Variants in USP9Y observed in about 807,000 individuals in gnomAD.
USP9Y encodes the protein ubiquitin carboxyl-terminal hydrolase 9Y.
Under a neutral mutation model 53.1 loss-of-function variants are expected in USP9Y, and 41 were observed. That is an observed-to-expected ratio of 0.77 (90% CI 0.60 to 1.00). The LOEUF (loss-of-function observed/expected upper bound fraction) is 1.00, where lower values mean the gene tolerates loss of function less well. USP9Y is among the 50% of genes least tolerant of loss of function. The pLI is 0.00. For missense variants in USP9Y, 567 were observed against 535.8 expected (o/e 1.06, Z -0.58); for synonymous variants, 220 against 173.7 (o/e 1.27, Z -2.09).
chrY:12,859,262 C>A lies in USP9Y; in HGVS notation c.7531-17C>A. On this transcript the variant is annotated splice_polypyrimidine_tract_variant and intron_variant, in intron 45 of 45. Transcript: ENST00000338981. ...ATTTGAAAAGTGTTACAATGCTGGT[C>A]TCTTTCACCCTCTTAGAATAATCAT... The A allele has an allele frequency of 2.5e-6, 1 of 394,743 alleles. No homozygotes were observed.
chrY:12,774,662 G>A (rs2053490764), intron 17 of USP9Y, among the ~76,000 whole-genome samples: 1 of 32,355 alleles, frequency 3.1e-5, no homozygotes, highest in African/African-American at 1.2e-4. Context: ...TACCTTTATT[G>A]ATATTGTTCA....
chrY:12,722,651 T>G, intron 5 of USP9Y, among the ~76,000 whole-genome samples: 5 of 32,789 alleles, frequency 1.5e-4, no homozygotes, highest in African/African-American at 6.0e-4. Flanking sequence ...AAGAAAATAT[T>G]TTCCAGAATA....
At chrY:12,824,692 A>G (rs2053544614) in intron 33 of USP9Y, among the ~76,000 whole-genome samples, 1 of 33,663 alleles carries the variant, frequency 3.0e-5, no homozygotes, top group African/African-American at 1.2e-4. Context: ...CTGCAATTCT[A>G]TTTCCAAGTG....
chrY:12,764,600 T>C (rs2053478803), intron 15 of USP9Y, among the ~76,000 whole-genome samples: 1 of 33,495 alleles, frequency 3.0e-5, no homozygotes, highest in African/African-American at 1.2e-4. Context: ...AACCTGAATC[T>C]ATGGAAAATA....
At chrY:12,825,494 G>GT (rs2053545203) in intron 33 of USP9Y, among the ~76,000 whole-genome samples, 1 of 32,384 alleles carries the variant, frequency 3.1e-5, no homozygotes, top group South Asian at 6.8e-4. Context: ...AGTTTAATTT[G>GT]TAAGTACCAT....
chrY:12,852,671 T>G (rs899143851), intron 42 of USP9Y, among the ~76,000 whole-genome samples: 7 of 33,320 alleles, frequency 2.1e-4, no homozygotes, highest in Non-Finnish European at 4.4e-4. Flanking sequence ...CTTTGGTCTC[T>G]GATGTTAGTG....
chrY:12,774,134 A>G (rs2053489708), intron 17 of USP9Y, among the ~76,000 whole-genome samples: 1 of 32,526 alleles, frequency 3.1e-5, no homozygotes, highest in South Asian at 7.1e-4. Flanking sequence ...ACCCTGTTGT[A>G]CTAACTTAGA....
chrY:12,789,011 C>T (rs2053504589), intron 24 of USP9Y, among the ~76,000 whole-genome samples: 2 of 33,044 alleles, frequency 6.1e-5, no homozygotes, highest in African/African-American at 2.4e-4. Context: ...TGAGCCACCA[C>T]GCCCGGCCAG....
intron 37 of USP9Y, among the ~76,000 whole-genome samples, chrY:12,841,529 C>A (rs2053561198): frequency 3.1e-5 from 1 of 32,073 alleles, no homozygotes; most frequent in South Asian, 7.1e-4. Context: ...CTCGTCTCAA[C>A]AAAAAGTTAA....
At chrY:12,761,818 G>A (rs942807744) in intron 15 of USP9Y, among the ~76,000 whole-genome samples, 3 of 34,008 alleles carry the variant, frequency 8.8e-5, no homozygotes, top group Non-Finnish European at 2.2e-4. Context: ...GAAAAGCATA[G>A]TAGAGTCTTG....
At chrY:12,729,359 C>T (rs2053445393) in intron 7 of USP9Y, among the ~76,000 whole-genome samples, 2 of 34,479 alleles carry the variant, frequency 5.8e-5, no homozygotes, top group African/African-American at 1.1e-4. Flanking sequence ...ATTATACTTT[C>T]TGTTGGAGTT....
At chrY:12,841,242 A>T in intron 37 of USP9Y, 109 bp downstream of exon 37, 1 of 239,703 alleles carries the variant, frequency 4.2e-6, no homozygotes, top group Non-Finnish European at 6.3e-6. Context: ...AATTTAAAAT[A>T]TAGAATAAAA....
rs367823427 is a variant in USP9Y at position 12,737,058 on chromosome Y, G to A, written c.1164+509G>A. 1.0e-4 allele frequency among the ~76,000 whole-genome samples: 3 copies of A among 29,024 alleles called. No individual in the cohort carries two copies. The East Asian group carries it at 2.6e-3, about 25-fold the overall frequency. 77.9% of individuals were successfully genotyped at this position (29,024 alleles called of 37,273 possible). On this transcript the variant is annotated intron_variant, in intron 10 of 45. Transcript: ENST00000338981. ...TGACACGATCTCCACTCACTGTAAC[G>A]TCCGTATCCTGGGTTCAAGCAATTA...
intron 42 of USP9Y, among the ~76,000 whole-genome samples, chrY:12,848,817 A>G: frequency 3.6e-4 from 12 of 33,217 alleles, no homozygotes; most frequent in Non-Finnish European, 7.4e-4. Context: ...ATTGGTCTAT[A>G]TATCTGTTTT....
chrY:12,763,854 T>C (rs2053477998), intron 15 of USP9Y, among the ~76,000 whole-genome samples: 1 of 29,960 alleles, frequency 3.3e-5, no homozygotes, highest in African/African-American at 1.3e-4. Context: ...TGTATTTTTA[T>C]TAGAGACAAA....
Position 12,846,327 on chromosome Y carries a change from T to G in USP9Y, c.6569-6T>G. The G allele has an allele frequency of 2.5e-6, 1 of 396,546 alleles. No individual in the cohort carries two copies. Among genetic ancestry groups the G allele is most frequent in the South Asian group, 3.0e-5 (1 of 33,593 alleles). On this transcript the variant is annotated splice_region_variant and splice_polypyrimidine_tract_variant and intron_variant, in intron 39 of 45. Coordinates refer to ENST00000338981, the MANE Select transcript of USP9Y (RefSeq NM_004654.4). ...CTACATATTATTTTTCTGTCCTTTT[T>G]TATAGGTGTGGCAGAAAAAACACAG...
chrY:12,715,235 G>A (rs751500499), intron 3 of USP9Y, among the ~76,000 whole-genome samples: 2 of 30,145 alleles, frequency 6.6e-5, no homozygotes, highest in East Asian at 1.7e-3. Context: ...CTTTCCCTCC[G>A]AGAAGCTCAA....
intron 5 of USP9Y, among the ~76,000 whole-genome samples, chrY:12,724,565 A>G: frequency 2.9e-5 from 1 of 33,917 alleles, no homozygotes; most frequent in Non-Finnish European, 7.3e-5. Flanking sequence ...TGGGAAATAG[A>G]GCAAGACTCT....
intron 16 of USP9Y, 125 bp downstream of exon 16, chrY:12,771,280 G>A: frequency 5.9e-6 from 1 of 170,512 alleles, no homozygotes; most frequent in Non-Finnish European, 1.1e-5. Flanking sequence ...CTCAAGTGCA[G>A]TGGGGCAATC....
Sources: allele counts gnomAD v4.1 joint callset (sites outside exome capture counted in the v4.1 genomes callset), GRCh38; gene constraint gnomAD v4.1.1; transcripts MANE v1.5; gene names NCBI Gene and HGNC (gene_info 2026-07-23, HGNC 2026-07-21).